Variants in RIPOR3 observed in about 807,000 individuals in gnomAD.
RIPOR3 encodes RIPOR family member 3.
A neutral mutation model predicts 114.3 loss-of-function variants in RIPOR3; 95 were observed. The observed-to-expected ratio is 0.83, with a 90% confidence interval of 0.70 to 0.99. The LOEUF is 0.99. Ranked by LOEUF, RIPOR3 falls within the 50% of genes least tolerant of loss-of-function variation. The probability of loss-of-function intolerance (pLI) is 0.00; values close to 1 mark genes in which losing one functional copy is unlikely to be tolerated. For synonymous variants in RIPOR3, 575 were observed against 543.8 expected (o/e 1.06, Z -0.80); for missense variants, 1,252 against 1,266.9 (o/e 0.99, Z 0.18).
At position 50,589,575 on chromosome 20, in the gene RIPOR3, C is replaced by A. The variant is rs138747400; in HGVS notation, c.2661+111G>T. ...CCTCCCAAAGTGCTGAGATTACAGG[C>A]GTGAGCCATCACGCCCAGCCCCAGT... On this transcript the variant is annotated intron_variant, in intron 20 of 21. Coordinates refer to ENST00000327979, the MANE Select transcript of RIPOR3 (RefSeq NM_001290268.2). 7,082 of 1,144,504 alleles carry A rather than the reference C, an allele frequency of 6.2e-3. 226 individuals carry two copies. In the African/African-American group the frequency reaches 0.081, roughly 13 times the overall value. The allele number at this position is 1,144,504 out of a possible 1,614,324, so 70.9% of individuals were successfully genotyped here. A position where few individuals can be genotyped will look rare whatever the true frequency, so the allele number is the denominator to read the frequency against.
chr20:50,666,620 G>A (rs1014902946), intron 1 of RIPOR3, among the ~76,000 whole-genome samples: 2 of 151,336 alleles, frequency 1.3e-5, no homozygotes, highest in African/African-American at 2.4e-5. Context: ...GCTGGAGTGC[G>A]GTGGTGCCAT....
At chr20:50,619,815 G>A (rs888728182) in intron 3 of RIPOR3, among the ~76,000 whole-genome samples, 171 bp downstream of exon 3, 8 of 152,310 alleles carry the variant, frequency 5.3e-5, no homozygotes, top group African/African-American at 1.7e-4. Flanking sequence ...CCCAAGGACC[G>A]GGCTGAGCAC....
intron 1 of RIPOR3, among the ~76,000 whole-genome samples, chr20:50,642,340 CTGTGGGTGTGTGTGTG>C (rs1292736596): frequency 0.011 from 1,542 of 143,714 alleles, 32 homozygotes; most frequent in African/African-American, 0.038. Flanking sequence ...AAATTGTTCT[CTGTGGGTGTGTGTGTG>C]TGTGTGTGTG....
At chr20:50,688,812 T>TA (rs2087111869) in intron 1 of RIPOR3, among the ~76,000 whole-genome samples, 1 of 152,064 alleles carries the variant, frequency 6.6e-6, no homozygotes, top group South Asian at 2.1e-4. Flanking sequence ...GAAGGATGAA[T>TA]AAAACTAGAG....
chr20:50,675,384 T>G (rs2086647883), intron 1 of RIPOR3, among the ~76,000 whole-genome samples: 3 of 152,218 alleles, frequency 2.0e-5, no homozygotes. Context: ...GCATCATATG[T>G]GTGAATTCAC....
intron 12 of RIPOR3, among the ~76,000 whole-genome samples, chr20:50,603,366 G>A (rs1963162604): frequency 6.6e-6 from 1 of 152,226 alleles, no homozygotes; most frequent in African/African-American, 2.4e-5. Context: ...AGCCTCCTGA[G>A]TAGCTGGGAT....
chr20:50,647,307 C>T (rs989449891), intron 1 of RIPOR3, among the ~76,000 whole-genome samples: 9 of 151,714 alleles, frequency 5.9e-5, no homozygotes, highest in East Asian at 1.9e-4. Context: ...GCGACAAGAG[C>T]GAAACTCCAT....
chr20:50,594,836 C>G, intron 16 of RIPOR3, 122 bp from the exon 17 acceptor site: 3 of 1,146,378 alleles, frequency 2.6e-6, no homozygotes, highest in Non-Finnish European at 3.6e-6. Flanking sequence ...TGGCTTGATG[C>G]GAGGTCCCTT....
chr20:50,602,015 C>G lies in RIPOR3; in HGVS notation c.1659+57G>C. 2.1e-6 allele frequency: 3 copies of G among 1,424,350 alleles called. No homozygotes were observed. Among genetic ancestry groups the G allele is most frequent in the East Asian group, 2.5e-5 (1 of 39,544 alleles). 88.2% of individuals were successfully genotyped at this position (1,424,350 alleles called of 1,614,324 possible). Reference sequence around the variant, plus strand: ...CTGCGTGGCCCCAGAGCCCCCGACTCCCAGTCATCATGCCATCAGCAAAGC... The same window carrying G: ...CTGCGTGGCCCCAGAGCCCCCGACTGCCAGTCATCATGCCATCAGCAAAGC... On this transcript the variant is annotated intron_variant, in intron 13 of 21. Coordinates refer to ENST00000327979, the MANE Select transcript of RIPOR3 (RefSeq NM_001290268.2). The surrounding 1 kb of genome is among the most constrained non-coding windows in gnomAD (Gnocchi z 4.3).
intron 1 of RIPOR3, among the ~76,000 whole-genome samples, chr20:50,686,303 G>C (rs1034727484): frequency 2.6e-5 from 4 of 151,782 alleles, no homozygotes; most frequent in Non-Finnish European, 5.9e-5. Context: ...TGATCCACCC[G>C]CCTCGGCCTC....
At chr20:50,622,980 C>T (rs920761823) in intron 2 of RIPOR3, among the ~76,000 whole-genome samples, 1 of 151,976 alleles carries the variant, frequency 6.6e-6, no homozygotes, top group Non-Finnish European at 1.5e-5. Flanking sequence ...ACATTAGGTG[C>T]AGGCCAGGCA....
intron 1 of RIPOR3, chr20:50,653,206 C>T (rs2123412302): frequency 6.6e-6 from 1 of 152,280 alleles, no homozygotes; most frequent in South Asian, 2.1e-4. Context: ...GAAGCCAGAA[C>T]CAGCAGGCCA....
At chr20:50,656,150 G>A (rs2085804302) in intron 1 of RIPOR3, among the ~76,000 whole-genome samples, 1 of 152,032 alleles carries the variant, frequency 6.6e-6, no homozygotes, top group Non-Finnish European at 1.5e-5. Context: ...TGGGACTACA[G>A]GCCCGCATCA....
intron 4 of RIPOR3, among the ~76,000 whole-genome samples, chr20:50,612,649 C>G (rs1028048717): frequency 6.6e-6 from 1 of 151,888 alleles, no homozygotes; most frequent in Non-Finnish European, 1.5e-5. Context: ...ATGGAAAGAT[C>G]AATAAAAGAT....
At chr20:50,673,254 C>T (rs1260739193) in intron 1 of RIPOR3, among the ~76,000 whole-genome samples, 1 of 152,210 alleles carries the variant, frequency 6.6e-6, no homozygotes, top group African/African-American at 2.4e-5. Context: ...CGCGCCCATG[C>T]AATACCCACA....
At chr20:50,650,378 CTGCAA>C (rs1235496448) in intron 1 of RIPOR3, among the ~76,000 whole-genome samples, 1 of 152,148 alleles carries the variant, frequency 6.6e-6, no homozygotes, top group Non-Finnish European at 1.5e-5. Context: ...TCTCTGCTCA[CTGCAA>C]CCTCCACCTC....
intron 13 of RIPOR3, among the ~76,000 whole-genome samples, chr20:50,598,906 GAA>G (rs368515447): frequency 2.5e-5 from 3 of 119,592 alleles, no homozygotes; most frequent in Non-Finnish European, 1.7e-5. Context: ...CTCCATCTCA[GAA>G]AAAAAAAAAA....
intron 1 of RIPOR3, among the ~76,000 whole-genome samples, chr20:50,671,457 CACAT>C (rs1418652544): frequency 1.4e-5 from 2 of 146,562 alleles, no homozygotes; most frequent in African/African-American, 4.9e-5. Flanking sequence ...CACACACACA[CACAT>C]AACTTCTTGG....
chr20:50,595,647 C>A, intron 15 of RIPOR3, 143 bp from the exon 16 acceptor site: 1 of 1,245,852 alleles, frequency 8.0e-7, no homozygotes. Context: ...ATTCCCCTTT[C>A]ACCAAGGTGG....
Sources: allele counts gnomAD v4.1 joint callset (sites outside exome capture counted in the v4.1 genomes callset), GRCh38; gene constraint gnomAD v4.1.1; non-coding constraint Gnocchi (gnomAD v3.1); transcripts MANE v1.5; gene names NCBI Gene and HGNC (gene_info 2026-07-23, HGNC 2026-07-21).